The following WDR41 variants were observed in gnomAD, a reference collection of about 807,000 sequenced individuals.
WDR41 encodes WD repeat-containing protein 41.
In WDR41, 63 loss-of-function variants were observed where a neutral mutation model predicts 69.3. That is an observed-to-expected ratio of 0.91 (90% confidence interval 0.74 to 1.12). The LOEUF (loss-of-function observed/expected upper bound fraction) is 1.12, where lower values mean the gene tolerates loss of function less well. Among genes scored for constraint, WDR41 ranks in the 50% most tolerant of loss-of-function variants. The pLI, the probability that WDR41 is intolerant of heterozygous loss-of-function variation, is 0.00. For missense variants in WDR41, 543 were observed against 534.5 expected (o/e 1.02, Z -0.16); for synonymous variants, 185 against 192.1 (o/e 0.96, Z 0.31).
intron 1 of WDR41, among the ~76,000 whole-genome samples, chr5:77,522,910 A>T (rs961842807): frequency 7.9e-5 from 12 of 152,212 alleles, no homozygotes; most frequent in African/African-American, 2.9e-4. Context: ...GTGGTGAGAA[A>T]ATGAAGGTAA....
chr5:77,586,037 C>T (rs1341701993), intron 1 of WDR41, among the ~76,000 whole-genome samples: 1 of 152,096 alleles, frequency 6.6e-6, no homozygotes, highest in African/African-American at 2.4e-5. Flanking sequence ...AGTAAAATAA[C>T]TCTATCTAAA....
At chr5:77,584,118 A>C (rs976271268) in intron 1 of WDR41, among the ~76,000 whole-genome samples, 4 of 152,290 alleles carry the variant, frequency 2.6e-5, no homozygotes, top group Middle Eastern at 6.8e-3. Flanking sequence ...CTGTGAAAAA[A>C]CATAGCCAAC....
At chr5:77,547,527 C>CAA (rs370772709) in intron 1 of WDR41, among the ~76,000 whole-genome samples, 4 of 120,888 alleles carry the variant, frequency 3.3e-5, no homozygotes, top group African/African-American at 3.1e-5. Context: ...ACAGTAGCTA[C>CAA]AAAAAAAAAA....
intron 2 of WDR41, among the ~76,000 whole-genome samples, chr5:77,478,250 G>A (rs1801049555): frequency 6.6e-6 from 1 of 152,246 alleles, no homozygotes; most frequent in African/African-American, 2.4e-5. Context: ...AGTGGTACAA[G>A]GAGGAACTGG....
chr5:77,477,093 G>C (rs1800975552), intron 2 of WDR41, among the ~76,000 whole-genome samples: 1 of 148,436 alleles, frequency 6.7e-6, no homozygotes, highest in Non-Finnish European at 1.5e-5. Context: ...TTACATCATG[G>C]TAAAGGGATC....
intron 7 of WDR41, among the ~76,000 whole-genome samples, chr5:77,450,890 T>A (rs335608): frequency 0.59 from 89,513 of 152,010 alleles, 28,105 homozygotes; most frequent in African/African-American, 0.8. Flanking sequence ...CAAATCTCTA[T>A]CCAGGTTATT....
intron 8 of WDR41, among the ~76,000 whole-genome samples, chr5:77,442,938 A>ATTTAT (rs56685879): frequency 0.13 from 17,678 of 136,968 alleles, 1,664 homozygotes; most frequent in African/African-American, 0.25. Flanking sequence ...TTTACATATT[A>ATTTAT]TTTATTTTAC....
intron 1 of WDR41, among the ~76,000 whole-genome samples, chr5:77,571,071 T>A (rs1440342605): frequency 6.6e-6 from 1 of 152,112 alleles, no homozygotes; most frequent in African/African-American, 2.4e-5. Context: ...CACACAGATG[T>A]CAGTCAGTTT....
chr5:77,521,292 T>A (rs1802367271), intron 1 of WDR41, among the ~76,000 whole-genome samples: 1 of 152,198 alleles, frequency 6.6e-6, no homozygotes, highest in African/African-American at 2.4e-5. Context: ...GGGTTTGAGC[T>A]CCTGTGAGAA....
At chr5:77,606,315 G>GAGGGTAAGAGGTGAGAAAAGGAGAGGT (rs1744417502) in intron 1 of WDR41, among the ~76,000 whole-genome samples, 1 of 152,198 alleles carries the variant, frequency 6.6e-6, no homozygotes, top group Admixed American at 6.5e-5. Flanking sequence ...GTATTGGGAT[G>GAGGGTAAGAGGTGAGAAAAGGAGAGGT]AGGGTAAGAG....
At chr5:77,456,320 C>T (rs941015697) in intron 5 of WDR41, among the ~76,000 whole-genome samples, 1 of 152,136 alleles carries the variant, frequency 6.6e-6, no homozygotes, top group Non-Finnish European at 1.5e-5. Context: ...AAATCTATTT[C>T]TGAGTATTTT....
chr5:77,468,568 T>G (rs1800408944), intron 2 of WDR41, among the ~76,000 whole-genome samples: 1 of 152,152 alleles, frequency 6.6e-6, no homozygotes, highest in Non-Finnish European at 1.5e-5. Flanking sequence ...CATTTAATAG[T>G]TCTTACTCAT....
rs189479976 is a variant in WDR41, at chr5:77,532,855, C to T, written c.43-43283G>A. ...CATAAAAATCAGGATAGTGGTTACA[C>T]TTGGGAGAAAGGAGGGGATTATGAT... On this transcript the variant is annotated intron_variant, in intron 1 of 5. Coordinates refer to the WDR41 transcript ENST00000509971. Among the ~76,000 whole-genome samples, 470 of 152,042 alleles carry T rather than the reference C, an allele frequency of 3.1e-3. 1 individual carries two copies. The highest frequency in any genetic ancestry group is 5.5e-3 in the Non-Finnish European group (373 of 67,952).
At chr5:77,579,197 G>A (rs1013203831) in intron 1 of WDR41, among the ~76,000 whole-genome samples, 3 of 152,086 alleles carry the variant, frequency 2.0e-5, no homozygotes, top group Non-Finnish European at 4.4e-5. Flanking sequence ...GGGAGTAGCA[G>A]AAGTAGAGAA....
intron 8 of WDR41, among the ~76,000 whole-genome samples, chr5:77,447,903 TA>T (rs1265351357): frequency 2.0e-5 from 3 of 152,330 alleles, no homozygotes; most frequent in Middle Eastern, 3.4e-3. Context: ...AAAAAGATAG[TA>T]AAAAACAGTA....
At chr5:77,520,667 TC>T (rs1802357609) in intron 1 of WDR41, among the ~76,000 whole-genome samples, 1 of 152,146 alleles carries the variant, frequency 6.6e-6, no homozygotes, top group African/African-American at 2.4e-5. Flanking sequence ...AAAATGAACT[TC>T]CTTTCAGATC....
At chr5:77,447,787 A>C (rs1490186194) in intron 8 of WDR41, among the ~76,000 whole-genome samples, 1 of 152,122 alleles carries the variant, frequency 6.6e-6, no homozygotes, top group Non-Finnish European at 1.5e-5. Flanking sequence ...GAGGAAACTG[A>C]GAGGACAGGT....
At chr5:77,471,592 G>T (rs1178201879) in intron 2 of WDR41, among the ~76,000 whole-genome samples, 16 of 151,958 alleles carry the variant, frequency 1.1e-4, no homozygotes, top group Non-Finnish European at 7.4e-5. Context: ...TGATAAAGGG[G>T]ATATCACCAC....
Position 77,455,076 on chromosome 5 carries a change from G to C in WDR41, c.412-1148C>G, listed in dbSNP as rs576311920. Among the ~76,000 whole-genome samples, 20 of 152,116 alleles carry C rather than the reference G, an allele frequency of 1.3e-4. No homozygotes were observed. The South Asian group carries it at 4.2e-3, about 32-fold the overall frequency. On this transcript the variant is annotated intron_variant, in intron 5 of 12. Transcript: ENST00000296679. ...AATTCTGTTTAAACTGTTTTCCAAG[G>C]TGGCTGTATTGTATCATTCTAGATC... is the stretch of plus-strand genomic sequence containing the variant.
Sources: allele counts gnomAD v4.1 joint callset (sites outside exome capture counted in the v4.1 genomes callset), GRCh38; gene constraint gnomAD v4.1.1; transcripts MANE v1.5; gene names NCBI Gene and HGNC (gene_info 2026-07-23, HGNC 2026-07-21).